The following PNPLA6 variants were observed in gnomAD, a reference collection of about 807,000 sequenced individuals.
PNPLA6 encodes patatin like domain 6, lysophospholipase, also known as patatin-like phospholipase domain-containing protein 6.
In PNPLA6, 105 loss-of-function variants were observed where a neutral mutation model predicts 153.7. The observed-to-expected ratio is 0.68, with a 90% CI of 0.58 to 0.80. PNPLA6 has a LOEUF of 0.80. PNPLA6 is among the 30% of genes least tolerant of loss of function. The pLI is 0.00. For missense variants in PNPLA6, 1,423 were observed against 1,919.3 expected (o/e 0.74, Z 4.83); for synonymous variants, 825 against 822.2 (o/e 1.00, Z -0.06).
upstream of PNPLA6, chr19:7,535,451 G>A (rs998750070): frequency 8.1e-7 from 1 of 1,228,484 alleles, no homozygotes. This position sits in a 1 kb window ranked among gnomAD's most constrained non-coding sequence, Gnocchi z 5.0. Flanking sequence ...TGAGGCAGGG[G>A]AGAGGTGGGC....
chr19:7,536,950 A>AAT, intron 3 of PNPLA6, among the ~76,000 whole-genome samples: 1 of 127,118 alleles, frequency 7.9e-6, no homozygotes, highest in Admixed American at 8.5e-5. Flanking sequence ...AAAAAAAAAA[A>AAT]AAGAAGAAGA....
intron 18 of PNPLA6, 75 bp from the exon 19 acceptor site, chr19:7,553,791 GGAAGAGGAA>G: frequency 6.4e-7 from 1 of 1,556,168 alleles, no homozygotes; most frequent in Non-Finnish European, 8.9e-7. Flanking sequence ...CAGATAAGGA[GGAAGAGGAA>G]GAAGAGGAGG....
chr19:7,556,542 T>G lies in PNPLA6; in HGVS notation c.3183T>G (p.His1061Gln), dbSNP rs755621546. The change falls in exon 25 of 32, where the codon CAT (histidine) becomes CAG (glutamine). Residue 1061 changes from histidine (H) to glutamine (Q), a missense_variant. His to Gln is a conservative substitution (Grantham distance 24). Around this residue, in one of 10 missense-constraint regions of PNPLA6, gnomAD observed 643 missense variants for 835.2 expected, o/e 0.77. Transcript: ENST00000600737. ...FTGSAFNRSIHRVFQDKQIED... is the reference protein window; with the variant it reads ...FTGSAFNRSIQRVFQDKQIED... ...GGTCTGCCTTTAACCGCAGCATCCA[T>G]CGGGTCTTCCAGGATAAGCAGATTG... The G allele has an allele frequency of 6.2e-7, 1 of 1,613,478 alleles. No homozygotes were observed. The highest frequency in any genetic ancestry group is 1.1e-5 in the South Asian group (1 of 91,070).
Position 7,541,223 on chromosome 19 carries a change from C to T in PNPLA6, c.925-131C>T. On this transcript the variant is annotated intron_variant, in intron 7 of 31. Transcript: ENST00000600737. The surrounding 1 kb of genome is among the most constrained non-coding windows in gnomAD (Gnocchi z 5.2). ...GGACTCCTCCCTTAGCTGCCTCGCC[C>T]CATTTCCCCAGACTGTGGGTCTCTC... is the stretch of plus-strand genomic sequence containing the variant. 9.1e-7 allele frequency: 1 copy of T among 1,094,636 alleles called. No individual in the cohort carries two copies. Among genetic ancestry groups the T allele is most frequent in the Non-Finnish European group, 1.4e-6 (1 of 738,142 alleles). 67.8% of individuals were successfully genotyped at this position (1,094,636 alleles called of 1,614,324 possible).
At chr19:7,544,538 T>C (rs145094563) in intron 13 of PNPLA6, among the ~76,000 whole-genome samples, 131 of 152,236 alleles carry the variant, frequency 8.6e-4, no homozygotes, top group African/African-American at 3.0e-3. Context: ...ATCCACAGTG[T>C]GGGGTTTGCA....
intron 27 of PNPLA6, 58 bp downstream of exon 27, chr19:7,557,342 ACACGCGTGGG>A: frequency 9.5e-7 from 1 of 1,051,472 alleles, no homozygotes; most frequent in Non-Finnish European, 1.5e-6. Context: ...ACACACACGC[ACACGCGTGGG>A]CACACACAGA....
chr19:7,550,217 G>A, intron 14 of PNPLA6, 81 bp from the exon 15 acceptor site: 2 of 1,610,584 alleles, frequency 1.2e-6, no homozygotes, highest in Non-Finnish European at 1.7e-6. Context: ...GAGCAGAAGG[G>A]AGCCCCCAGA....
chr19:7,556,132 G>A (rs1207381173), intron 24 of PNPLA6, among the ~76,000 whole-genome samples: 5 of 136,468 alleles, frequency 3.7e-5, no homozygotes, highest in Non-Finnish European at 4.6e-5. Context: ...GCACAATCTC[G>A]GCTCACTGCA....
At chr19:7,537,501 C>T (rs2022932213) in intron 3 of PNPLA6, among the ~76,000 whole-genome samples, 1 of 152,200 alleles carries the variant, frequency 6.6e-6, no homozygotes, top group Non-Finnish European at 1.5e-5. Flanking sequence ...CTCTCCAACT[C>T]TCTTTGCAAG....
chr19:7,541,979 C>G lies in PNPLA6; in HGVS notation c.1169-5C>G, dbSNP rs746060171. 2.5e-6 allele frequency: 4 copies of G among 1,607,258 alleles called. No individual in the cohort carries two copies. Among genetic ancestry groups the G allele is most frequent in the Non-Finnish European group, 3.4e-6 (4 of 1,179,026 alleles). On this transcript the variant is annotated splice_region_variant and splice_polypyrimidine_tract_variant and intron_variant, in intron 9 of 31. Coordinates refer to ENST00000600737, the MANE Select transcript of PNPLA6 (RefSeq NM_001166114.2). This position sits in a 1 kb window ranked among gnomAD's most constrained non-coding sequence, Gnocchi z 5.2. The stretch of plus-strand genomic sequence containing the variant: ...GGCAGGAGCCTGAACATGTGTCTCC[C>G]CCAGGGGACCCTGTGAAGCCCACAT...
chr19:7,540,959 G>A lies in PNPLA6; in HGVS notation c.832G>A (p.Ala278Thr), dbSNP rs1204396839. 10 of 1,612,180 alleles carry A rather than the reference G, an allele frequency of 6.2e-6. No individual in the cohort carries two copies. The highest frequency in any genetic ancestry group is 8.5e-6 in the Non-Finnish European group (10 of 1,179,766). Residue 278 changes from alanine to threonine, a missense_variant, in exon 7 of 32, where the codon GCG becomes ACG. This residue lies in a region of PNPLA6 where 118 missense variants were observed against 158.8 expected (regional missense o/e 0.74). Transcript: ENST00000600737. This position sits in a 1 kb window ranked among gnomAD's most constrained non-coding sequence, Gnocchi z 6.8. ...TCCCCAGCGGACCGTGTCTGCCCGG[G>A]CGGCCCGGGACTCCACGGTGCTGCG... ...QHPQRTVSARAARDSTVLRLP... is the reference protein window; with the variant it reads ...QHPQRTVSARTARDSTVLRLP...
intron 29 of PNPLA6, 73 bp from the exon 30 acceptor site, chr19:7,560,941 C>G: frequency 1.1e-6 from 1 of 926,746 alleles, no homozygotes; most frequent in Non-Finnish European, 1.7e-6. Context: ...GCCCCCAATG[C>G]ACCACTGGGC....
Position 7,557,213 on chromosome 19 carries a change from A to T in PNPLA6, c.3326A>T (p.Tyr1109Phe). 1.2e-6 allele frequency: 2 copies of T among 1,613,566 alleles called. No homozygotes were observed. Among genetic ancestry groups the T allele is most frequent in the Non-Finnish European group, 1.7e-6 (2 of 1,179,902 alleles). ...YVRASMTLSGYLPPLCDPKDG... is the reference protein window; with the variant it reads ...YVRASMTLSGFLPPLCDPKDG... The stretch of plus-strand genomic sequence containing the variant: ...CGCGCCAGCATGACGCTGTCGGGCT[A>T]CCTGCCCCCGCTGTGCGACCCCAAG... Residue 1109 changes from tyrosine to phenylalanine, a missense_variant, in exon 27 of 32, where the codon TAC becomes TTC. By Grantham distance (22) the Tyr-to-Phe change is conservative. Around this residue, in one of 10 missense-constraint regions of PNPLA6, gnomAD observed 643 missense variants for 835.2 expected, o/e 0.77. Coordinates refer to ENST00000600737, the MANE Select transcript of PNPLA6 (RefSeq NM_001166114.2).
At chr19:7,543,950 A>C (rs2023272423) in intron 13 of PNPLA6, among the ~76,000 whole-genome samples, 1 of 150,616 alleles carries the variant, frequency 6.6e-6, no homozygotes, top group South Asian at 2.1e-4. Flanking sequence ...AGTAGCTGGG[A>C]CTACAGGCGC....
At chr19:7,550,958 A>G in intron 16 of PNPLA6, 36 bp from the exon 17 acceptor site, 1 of 1,436,046 alleles carries the variant, frequency 7.0e-7, no homozygotes, top group East Asian at 2.5e-5. Context: ...CTCATTCCCC[A>G]CCCAAGCAGC....
At chr19:7,538,068 AC>A (rs1428458151) in intron 3 of PNPLA6, among the ~76,000 whole-genome samples, 1 of 152,170 alleles carries the variant, frequency 6.6e-6, no homozygotes, top group African/African-American at 2.4e-5. Context: ...CTCTTAAGGG[AC>A]TACCCTGATA....
Position 7,540,484 on chromosome 19 carries a change from G to A in PNPLA6, c.715-146G>A, listed in dbSNP as rs1007339095. On this transcript the variant is annotated intron_variant, in intron 5 of 31. Coordinates refer to ENST00000600737, the MANE Select transcript of PNPLA6 (RefSeq NM_001166114.2). This position sits in a 1 kb window ranked among gnomAD's most constrained non-coding sequence, Gnocchi z 6.8. ...TGCTCAGTAGTTACAAGTATTGAAC[G>A]ATGGGAGATGCCTGCTCGTTGGAAG... The A allele has an allele frequency of 1.0e-4, 96 of 957,250 alleles. No homozygotes were observed. Among genetic ancestry groups the A allele is most frequent in the East Asian group, 3.2e-4 (13 of 40,778 alleles). 59.3% of individuals were successfully genotyped at this position (957,250 alleles called of 1,614,324 possible).
Position 7,554,541 on chromosome 19 carries a change from C to T in PNPLA6, c.2466-14C>T. On this transcript the variant is annotated splice_polypyrimidine_tract_variant and intron_variant, in intron 20 of 31. Coordinates refer to ENST00000600737, the MANE Select transcript of PNPLA6 (RefSeq NM_001166114.2). ...GGCCAACCCCAGGATGACGCTGCCC[C>T]CTTCCCACCCTAGCATCCAAGAGTT... 6.2e-7 allele frequency: 1 copy of T among 1,614,050 alleles called. No homozygotes were observed. The highest frequency in any genetic ancestry group is 8.5e-7 in the Non-Finnish European group (1 of 1,179,966).
rs1167676266 is a variant in PNPLA6, at chr19:7,554,690, G to T, written c.2601G>T (p.Val867=). 6.2e-7 allele frequency: 1 copy of T among 1,613,724 alleles called. No homozygotes were observed. Among genetic ancestry groups the T allele is most frequent in the Non-Finnish European group, 8.5e-7 (1 of 1,179,982 alleles). ...GACAGGCCGACTGCATCCTCATTGT[G>T]GGCCTGGGGGACCAGGAGCCTACCC... ...CLRQADCILI[V]GLGDQEPTLG... Residue 867 remains valine (V), a synonymous_variant, in exon 21 of 32, where the codon GTG becomes GTT. Transcript: ENST00000600737.
Sources: allele counts gnomAD v4.1 joint callset (sites outside exome capture counted in the v4.1 genomes callset), GRCh38; gene constraint gnomAD v4.1.1; regional missense constraint gnomAD v4.1.1; non-coding constraint Gnocchi (gnomAD v3.1); transcripts MANE v1.5; gene names NCBI Gene and HGNC (gene_info 2026-07-23, HGNC 2026-07-21).